TNR: variants seen among roughly 807,000 people sequenced by gnomAD.
TNR encodes tenascin-R.
TNR carries 45 observed loss-of-function variants against 150.4 expected under a neutral mutation model. That is an observed-to-expected ratio of 0.30 (90% CI 0.24 to 0.38). TNR has a LOEUF of 0.38. Among genes scored for constraint, TNR ranks in the 10% least tolerant of loss-of-function variants. The probability of loss-of-function intolerance (pLI) is 1.00; values close to 1 mark genes in which losing one functional copy is unlikely to be tolerated. For missense variants in TNR, 1,544 were observed against 1,759.1 expected, an observed-to-expected ratio of 0.88 and a Z score of 2.19; for synonymous variants, 687 against 678.4, an observed-to-expected ratio of 1.01 and a Z score of -0.20.
intron 1 of TNR, among the ~76,000 whole-genome samples, chr1:175,636,140 A>G (rs892163063): frequency 1.3e-5 from 2 of 152,166 alleles, no homozygotes; most frequent in African/African-American, 4.8e-5. Context: ...CTAAGGCAGT[A>G]TCTAAATAGC....
chr1:175,594,660 G>A (rs1180229546), intron 1 of TNR, among the ~76,000 whole-genome samples: 2 of 152,134 alleles, frequency 1.3e-5, no homozygotes, highest in South Asian at 2.1e-4. Context: ...TTTGAGACCA[G>A]CCTGGGCAAC....
intron 2 of TNR, among the ~76,000 whole-genome samples, chr1:175,480,404 AAAAG>A (rs1443774567): frequency 2.5e-5 from 3 of 120,744 alleles, no homozygotes; most frequent in African/African-American, 1.0e-4. Flanking sequence ...AAAGAAAGAA[AAAAG>A]AAAGAAAGAA....
chr1:175,662,791 T>C (rs1474881829), intron 1 of TNR, among the ~76,000 whole-genome samples: 3 of 152,186 alleles, frequency 2.0e-5, no homozygotes, highest in Non-Finnish European at 4.4e-5. Flanking sequence ...ATTACTGGTT[T>C]CCCTCAGGTT....
At chr1:175,686,468 GC>G in intron 1 of TNR, among the ~76,000 whole-genome samples, 1 of 152,112 alleles carries the variant, frequency 6.6e-6, no homozygotes, top group African/African-American at 2.4e-5. Context: ...ATTCCCTTTT[GC>G]CTACCATTAG....
intron 5 of TNR, 148 bp downstream of exon 5, chr1:175,396,396 A>G (rs569634031): frequency 4.9e-5 from 49 of 1,001,352 alleles, no homozygotes; most frequent in Admixed American, 8.7e-5. Flanking sequence ...CCCTTTCTAA[A>G]TGGGTCACAT....
At chr1:175,456,491 AC>A (rs1656579820) in intron 2 of TNR, among the ~76,000 whole-genome samples, 1 of 152,254 alleles carries the variant, frequency 6.6e-6, no homozygotes, top group African/African-American at 2.4e-5. Flanking sequence ...AATGTCTACA[AC>A]AATGCTTGAC....
At chr1:175,656,197 G>GT (rs1558057750) in intron 1 of TNR, among the ~76,000 whole-genome samples, 14 of 122,294 alleles carry the variant, frequency 1.1e-4, no homozygotes, top group African/African-American at 4.6e-4. Context: ...TGTGTATGTG[G>GT]TCTACCTTTT....
intron 7 of TNR, among the ~76,000 whole-genome samples, chr1:175,388,219 A>C (rs1040026587): frequency 1.2e-4 from 19 of 152,168 alleles, no homozygotes; most frequent in Non-Finnish European, 2.4e-4. Context: ...TTCTTTATCC[A>C]TGAGAAAGAA....
chr1:175,364,216 G>T (rs947020739), intron 12 of TNR, among the ~76,000 whole-genome samples: 2 of 152,020 alleles, frequency 1.3e-5, no homozygotes, highest in African/African-American at 4.8e-5. Context: ...TTCTTTAGCA[G>T]CCACCTTTGG....
intron 1 of TNR, among the ~76,000 whole-genome samples, chr1:175,697,961 T>A (rs1320194665): frequency 2.0e-5 from 3 of 152,232 alleles, no homozygotes; most frequent in African/African-American, 7.2e-5. Flanking sequence ...CTTTCCATCA[T>A]GAGAACCTCT....
At chr1:175,669,322 G>T (rs554032313) in intron 1 of TNR, among the ~76,000 whole-genome samples, 1 of 152,176 alleles carries the variant, frequency 6.6e-6, no homozygotes, top group Non-Finnish European at 1.5e-5. Flanking sequence ...AGGGCCAGGC[G>T]CTCAACATGG....
chr1:175,601,730 A>G, intron 1 of TNR, among the ~76,000 whole-genome samples: 1 of 152,088 alleles, frequency 6.6e-6, no homozygotes, highest in Non-Finnish European at 1.5e-5. Context: ...CTCTCCACTC[A>G]CTTATGATCT....
chr1:175,621,382 C>A (rs1663971552), intron 1 of TNR, among the ~76,000 whole-genome samples: 1 of 152,154 alleles, frequency 6.6e-6, no homozygotes, highest in Non-Finnish European at 1.5e-5. Flanking sequence ...TCTGACCCTC[C>A]TTGCTTCCCT....
intron 1 of TNR, among the ~76,000 whole-genome samples, chr1:175,725,907 T>C (rs1177147481): frequency 1.3e-5 from 2 of 152,220 alleles, no homozygotes; most frequent in Non-Finnish European, 2.9e-5. Context: ...CTCTACAATG[T>C]GTTCTTGTTT....
intron 2 of TNR, among the ~76,000 whole-genome samples, chr1:175,496,480 C>G (rs915180198): frequency 6.6e-6 from 1 of 152,210 alleles, no homozygotes; most frequent in Non-Finnish European, 1.5e-5. Flanking sequence ...AGAAGCATCT[C>G]TGGCACTGTT....
chr1:175,595,697 G>A (rs566613184), intron 1 of TNR, among the ~76,000 whole-genome samples: 44 of 152,150 alleles, frequency 2.9e-4, no homozygotes, highest in Non-Finnish European at 4.4e-4. Flanking sequence ...ATTAGGCAAT[G>A]GAGACAGTGT....
chr1:175,717,064 T>C (rs1287302695), intron 1 of TNR, among the ~76,000 whole-genome samples: 2 of 152,204 alleles, frequency 1.3e-5, no homozygotes, highest in African/African-American at 4.8e-5. Flanking sequence ...TACTATGCTC[T>C]GTGGTCTTGC....
intron 9 of TNR, among the ~76,000 whole-genome samples, chr1:175,368,232 G>A (rs1557889464): frequency 6.6e-6 from 1 of 152,226 alleles, no homozygotes; most frequent in Non-Finnish European, 1.5e-5. Flanking sequence ...GCAGTCTAAA[G>A]TAGTTCAGCA....
At chr1:175,587,508 T>A (rs1027295027) in intron 1 of TNR, among the ~76,000 whole-genome samples, 1 of 152,188 alleles carries the variant, frequency 6.6e-6, no homozygotes, top group Non-Finnish European at 1.5e-5. Flanking sequence ...GTATGGTAGA[T>A]ACATAGAAAA....
Sources: allele counts gnomAD v4.1 joint callset (sites outside exome capture counted in the v4.1 genomes callset), GRCh38; gene constraint gnomAD v4.1.1; transcripts MANE v1.5; gene names NCBI Gene and HGNC (gene_info 2026-07-23, HGNC 2026-07-21).